DLG5: variants seen among roughly 807,000 people sequenced by gnomAD.
DLG5 encodes the protein disks large homolog 5.
Under a neutral mutation model 189.8 loss-of-function variants are expected in DLG5, and 48 were observed. The ratio of observed to expected loss-of-function variants is 0.25; its 90% CI spans 0.20 to 0.32. The LOEUF is 0.32. Ranked by LOEUF, DLG5 falls within the 10% of genes least tolerant of loss-of-function variation. The pLI, the probability that DLG5 is intolerant of heterozygous loss-of-function variation, is 1.00. For synonymous variants in DLG5, 1,016 were observed against 1,054.1 expected, an observed-to-expected ratio of 0.96 and a Z score of 0.70; for missense variants, 2,160 against 2,544.7, an observed-to-expected ratio of 0.85 and a Z score of 3.25.
chr10:77,929,197 C>T (rs1846764804), upstream of DLG5: 1 of 152,136 alleles, frequency 6.6e-6, no homozygotes, highest in African/African-American at 2.4e-5. Flanking sequence ...CTTGCCACCA[C>T]ACCTGGCTAA....
chr10:77,825,646 C>T (rs1427462749), intron 13 of DLG5, among the ~76,000 whole-genome samples: 1 of 151,868 alleles, frequency 6.6e-6, no homozygotes, highest in Non-Finnish European at 1.5e-5. Context: ...ACCTCCGCCT[C>T]CCAGGTTCAA....
chr10:77,848,634 A>G (rs1843808607), intron 5 of DLG5, among the ~76,000 whole-genome samples: 1 of 152,242 alleles, frequency 6.6e-6, no homozygotes, highest in Non-Finnish European at 1.5e-5. Flanking sequence ...CTGACAGACA[A>G]CAAAACAAGC....
At chr10:77,891,607 C>G (rs894527076) in intron 1 of DLG5, among the ~76,000 whole-genome samples, 6 of 151,718 alleles carry the variant, frequency 4.0e-5, no homozygotes, top group Non-Finnish European at 5.9e-5. Context: ...CACACACACA[C>G]ACACACACGA....
intron 1 of DLG5, among the ~76,000 whole-genome samples, chr10:77,893,205 AC>A (rs2154577671): frequency 6.6e-6 from 1 of 152,364 alleles, no homozygotes; most frequent in East Asian, 1.9e-4. Flanking sequence ...ACGTCACCTT[AC>A]CTACCCACCA....
intron 1 of DLG5, among the ~76,000 whole-genome samples, chr10:77,919,954 T>A (rs1846487015): frequency 6.6e-6 from 1 of 152,186 alleles, no homozygotes; most frequent in South Asian, 2.1e-4. Context: ...GATACATCAT[T>A]CACTCTACAC....
chr10:77,887,765 A>G (rs1845481947), intron 1 of DLG5, among the ~76,000 whole-genome samples: 1 of 152,208 alleles, frequency 6.6e-6, no homozygotes, highest in Admixed American at 6.5e-5. Flanking sequence ...TCTCCAGAAA[A>G]TATCTATTTT....
At position 77,841,181 on chromosome 10, in the gene DLG5, A is replaced by G. The variant is rs72815392; in HGVS notation, c.1437+700T>C. ...TCCATGGGCCCATCCAAGCCCCCGCAGGGCTCAGCTAGACCTAGGGCAAGG... is the reference window on the plus strand; with the variant it reads ...TCCATGGGCCCATCCAAGCCCCCGCGGGGCTCAGCTAGACCTAGGGCAAGG... On this transcript the variant is annotated intron_variant, in intron 7 of 31. Coordinates refer to ENST00000372391, the MANE Select transcript of DLG5 (RefSeq NM_004747.4). Among the ~76,000 whole-genome samples, 662 of 152,340 alleles carry G rather than the reference A, an allele frequency of 4.3e-3. 8 individuals carry two copies. Among genetic ancestry groups the G allele is most frequent in the Non-Finnish European group, 3.9e-3 (264 of 68,038 alleles).
intron 19 of DLG5, 136 bp downstream of exon 19, chr10:77,816,871 C>A: frequency 7.4e-7 from 1 of 1,346,096 alleles, no homozygotes; most frequent in African/African-American, 1.4e-5. Flanking sequence ...CACCACCAGG[C>A]CTACTGCTGG....
chr10:77,792,446 C>G lies in DLG5; in HGVS notation c.5754G>C (p.Pro1918=), dbSNP rs148200124. Residue 1918 remains proline (P), a synonymous_variant, in exon 32 of 32, where the codon CCG becomes CCC. Coordinates refer to ENST00000372391, the MANE Select transcript of DLG5 (RefSeq NM_004747.4). The part of the protein sequence containing the change: ...QNKVLWIPAC[P]L ...TCCACAGCACAGCATTCTCCTAGAG[C>G]GGGCAGGCTGGAATCCACAGGACTT... 2 of 1,613,998 alleles carry G rather than the reference C, an allele frequency of 1.2e-6. No homozygotes were observed. Among genetic ancestry groups the G allele is most frequent in the African/African-American group, 2.7e-5 (2 of 74,936 alleles).
chr10:77,898,270 G>A (rs1589264325), intron 1 of DLG5, among the ~76,000 whole-genome samples: 4 of 152,342 alleles, frequency 2.6e-5, no homozygotes, highest in African/African-American at 7.2e-5. Context: ...TCTACCACAC[G>A]TGGACTCTGC....
At chr10:77,917,999 C>T (rs921763594) in intron 1 of DLG5, among the ~76,000 whole-genome samples, 1 of 142,322 alleles carries the variant, frequency 7.0e-6, no homozygotes, top group Admixed American at 7.0e-5. Context: ...GCCTGGGCAA[C>T]AAGAGCAAAA....
intron 31 of DLG5, chr10:77,792,963 T>C (rs928350638): frequency 1.5e-5 from 3 of 200,456 alleles, no homozygotes; most frequent in East Asian, 1.3e-4. Context: ...CCCTGTACTA[T>C]AGGAGTTTGA....
At chr10:77,893,399 T>C in intron 1 of DLG5, among the ~76,000 whole-genome samples, 1 of 152,168 alleles carries the variant, frequency 6.6e-6, no homozygotes, top group East Asian at 1.9e-4. Context: ...ATAACCCTGT[T>C]AGGTAATGAG....
chr10:77,890,823 C>T (rs761280671), intron 1 of DLG5, among the ~76,000 whole-genome samples: 5 of 152,148 alleles, frequency 3.3e-5, no homozygotes, highest in Admixed American at 6.5e-5. Flanking sequence ...CATCTCTGAG[C>T]TTCCAGGAGT....
intron 1 of DLG5, among the ~76,000 whole-genome samples, chr10:77,901,364 T>C (rs1324632947): frequency 6.6e-6 from 1 of 152,208 alleles, no homozygotes; most frequent in Non-Finnish European, 1.5e-5. Context: ...ACTTGACCTT[T>C]ACAGGGACAA....
chr10:77,925,863 A>G (rs1283951560), intron 1 of DLG5, among the ~76,000 whole-genome samples: 1 of 152,170 alleles, frequency 6.6e-6, no homozygotes, highest in African/African-American at 2.4e-5. Flanking sequence ...AAAGGCTAGC[A>G]CAGGGTGCCA....
At chr10:77,830,930 G>C (rs968427953) in intron 9 of DLG5, 57 bp from the exon 10 acceptor site, 1 of 1,586,402 alleles carries the variant, frequency 6.3e-7, no homozygotes, top group African/African-American at 1.3e-5. Context: ...ATCCCACCGC[G>C]TAACGGCTCT....
chr10:77,904,315 G>A (rs899061036), intron 1 of DLG5, among the ~76,000 whole-genome samples: 11 of 150,220 alleles, frequency 7.3e-5, no homozygotes, highest in African/African-American at 1.5e-4. Context: ...GTTCATAGGC[G>A]GAAGGGACTT....
At chr10:77,921,754 G>A (rs955579572) in intron 1 of DLG5, among the ~76,000 whole-genome samples, 7 of 152,198 alleles carry the variant, frequency 4.6e-5, no homozygotes, top group African/African-American at 1.4e-4. Flanking sequence ...TCCAGCGGAC[G>A]CTGCTGGCTC....
Sources: gnomAD v4.1 joint callset for allele counts (sites outside exome capture counted in the v4.1 genomes callset) on GRCh38, gnomAD v4.1.1 for gene constraint, MANE v1.5 for transcripts, NCBI Gene and HGNC (gene_info 2026-07-23, HGNC 2026-07-21) for gene names.